PCDH15: variants seen among roughly 807,000 people sequenced by gnomAD.
The protein encoded by PCDH15 is protocadherin-15.
PCDH15 carries 129 observed loss-of-function variants against 178.5 expected under a neutral mutation model. That is an observed-to-expected ratio of 0.72 (90% CI 0.63 to 0.84). The LOEUF is 0.84. Ranked by LOEUF, PCDH15 falls within the 40% of genes least tolerant of loss-of-function variation. The pLI is 0.00. For synonymous variants in PCDH15, 800 were observed against 732.0 expected (o/e 1.09, Z -1.50); for missense variants, 2,230 against 2,099.9 (o/e 1.06, Z -1.21).
At chr10:54,660,470 T>TA (rs905465994) in intron 2 of PCDH15, among the ~76,000 whole-genome samples, 2 of 151,884 alleles carry the variant, frequency 1.3e-5, no homozygotes, top group Non-Finnish European at 2.9e-5. Context: ...GAATTAGTAA[T>TA]AAAAAATCCA....
At position 55,238,195 on chromosome 10, in the gene PCDH15, T is replaced by C. The variant is rs188966969; in HGVS notation, c.-155-71544A>G. Among the ~76,000 whole-genome samples, 113 of 148,924 alleles carry C rather than the reference T, an allele frequency of 7.6e-4. 1 individual carries two copies. The highest frequency in any genetic ancestry group is 3.4e-3 in the Middle Eastern group (1 of 290). ...CGGAGTCTCCCTCTGTCGCCCAGGC[T>C]GGAGTGCACAGTGGCGCGATCTCGG... On this transcript the variant is annotated intron_variant, in intron 1 of 5. Transcript: ENST00000458638.
At chr10:54,379,281 C>T (rs944649643) in intron 3 of PCDH15, among the ~76,000 whole-genome samples, 10 of 152,008 alleles carry the variant, frequency 6.6e-5, no homozygotes, top group Non-Finnish European at 1.5e-4. Flanking sequence ...AAAGGAAATG[C>T]CTGTAATAGC....
chr10:55,326,319 A>G (rs547192719), intron 2 of PCDH15, among the ~76,000 whole-genome samples: 1 of 152,282 alleles, frequency 6.6e-6, no homozygotes, highest in South Asian at 2.1e-4. Flanking sequence ...AATAGCAAAG[A>G]CATGTAATCA....
intron 3 of PCDH15, among the ~76,000 whole-genome samples, chr10:54,441,258 G>T (rs1466146355): frequency 2.0e-5 from 3 of 151,838 alleles, no homozygotes; most frequent in Non-Finnish European, 4.4e-5. Context: ...TTTTAAAAAG[G>T]TGTTTTTATT....
At chr10:54,169,940 A>C (rs1197387863) in intron 13 of PCDH15, among the ~76,000 whole-genome samples, 1 of 150,816 alleles carries the variant, frequency 6.6e-6, no homozygotes, top group Non-Finnish European at 1.5e-5. Flanking sequence ...CCGTGCTGCC[A>C]AACCCATATA....
intron 25 of PCDH15, among the ~76,000 whole-genome samples, chr10:53,918,058 A>G (rs1017918764): frequency 2.0e-5 from 3 of 152,136 alleles, no homozygotes; most frequent in African/African-American, 7.2e-5. Flanking sequence ...GAACCAAGAT[A>G]AAATATATTT....
intron 2 of PCDH15, among the ~76,000 whole-genome samples, chr10:54,907,299 A>G (rs148906040): frequency 2.8e-4 from 42 of 152,296 alleles, no homozygotes; most frequent in African/African-American, 9.6e-4. Flanking sequence ...TTTTTACCCA[A>G]TATAATTATG....
At chr10:55,113,149 A>C (rs183254059) in intron 2 of PCDH15, among the ~76,000 whole-genome samples, 1 of 152,124 alleles carries the variant, frequency 6.6e-6, no homozygotes. Flanking sequence ...TTTCCAAGCC[A>C]CTCAATTTTT....
Position 55,292,904 on chromosome 10 carries a change from G to T in PCDH15, c.-156+26695C>A, listed in dbSNP as rs190547118. Among the ~76,000 whole-genome samples, 1,508 of 152,250 alleles carry T rather than the reference G, an allele frequency of 9.9e-3. 22 individuals carry two copies. Among genetic ancestry groups the T allele is most frequent in the Middle Eastern group, 0.024 (7 of 294 alleles). ...GCTGTAAGTAAATCTGCAATTCTGGGGTCTGGAGGATGGCAGCCCTCTTCT... is the reference window on the plus strand; with the variant it reads ...GCTGTAAGTAAATCTGCAATTCTGGTGTCTGGAGGATGGCAGCCCTCTTCT... On this transcript the variant is annotated intron_variant, in intron 1 of 5. Transcript: ENST00000458638.
intron 3 of PCDH15, among the ~76,000 whole-genome samples, chr10:54,487,119 A>G (rs1047355996): frequency 7.2e-5 from 11 of 152,220 alleles, no homozygotes; most frequent in African/African-American, 2.4e-4. Context: ...AAAAAGTCAG[A>G]GTATTTTAAA....
intron 1 of PCDH15, among the ~76,000 whole-genome samples, chr10:54,773,133 G>A (rs1949291033): frequency 6.6e-6 from 1 of 152,082 alleles, no homozygotes; most frequent in South Asian, 2.1e-4. Flanking sequence ...AGGAAGAATA[G>A]CTAATGGATG....
chr10:54,397,366 G>A (rs1173623002), intron 3 of PCDH15, among the ~76,000 whole-genome samples: 1 of 152,036 alleles, frequency 6.6e-6, no homozygotes. Context: ...ACAATTAAAT[G>A]TGGTCCAAAC....
In PCDH15 at chr10:55,497,361, CA is replaced by C. The variant is rs577898508; in HGVS notation, c.-156+130263del. 7.1e-4 allele frequency among the ~76,000 whole-genome samples: 107 copies of C among 151,754 alleles called. 2 individuals are homozygous for C. In the South Asian group the frequency reaches 0.022, roughly 31 times the overall value. On this transcript the variant is annotated intron_variant, in intron 2 of 5. Transcript: ENST00000613346. ...TGTTGTCCATGCTTGAACTCTTGAG[CA>C]TAAGCAATCCTCTTGCCTTGGCCTC...
intron 2 of PCDH15, among the ~76,000 whole-genome samples, chr10:54,594,423 C>T (rs779277626): frequency 5.3e-5 from 8 of 152,118 alleles, no homozygotes; most frequent in Non-Finnish European, 7.4e-5. Context: ...CTTTGGTGTG[C>T]TGTCTTCTCT....
At chr10:54,290,588 G>T (rs1475200158) in intron 8 of PCDH15, among the ~76,000 whole-genome samples, 1 of 152,116 alleles carries the variant, frequency 6.6e-6, no homozygotes, top group Non-Finnish European at 1.5e-5. Flanking sequence ...CTAATTAAAA[G>T]ATACAGACTG....
At chr10:54,435,895 G>A (rs2075347638) in intron 3 of PCDH15, among the ~76,000 whole-genome samples, 1 of 151,752 alleles carries the variant, frequency 6.6e-6, no homozygotes, top group South Asian at 2.1e-4. Flanking sequence ...GCGTGAACCC[G>A]GGAAGCAGAG....
chr10:54,345,057 A>G (rs1943020640), intron 6 of PCDH15, among the ~76,000 whole-genome samples: 1 of 151,034 alleles, frequency 6.6e-6, no homozygotes, highest in South Asian at 2.1e-4. Context: ...AGAACACAAT[A>G]GAGGAAGAGT....
intron 1 of PCDH15, among the ~76,000 whole-genome samples, chr10:55,288,550 AACC>A (rs1340116774): frequency 6.6e-6 from 1 of 151,928 alleles, no homozygotes; most frequent in Non-Finnish European, 1.5e-5. Context: ...CTCCTCCAGC[AACC>A]ACCAGTCTAT....
intron 1 of PCDH15, among the ~76,000 whole-genome samples, chr10:55,275,499 A>C (rs1300317480): frequency 6.6e-6 from 1 of 151,952 alleles, no homozygotes; most frequent in African/African-American, 2.4e-5. Context: ...AATTACATAA[A>C]AATGATTTTT....
Sources: allele counts gnomAD v4.1 joint callset (sites outside exome capture counted in the v4.1 genomes callset), GRCh38; gene constraint gnomAD v4.1.1; transcripts MANE v1.5; gene names NCBI Gene and HGNC (gene_info 2026-07-23, HGNC 2026-07-21).